The following EFHC2 variants were observed in gnomAD, a reference collection of about 807,000 sequenced individuals.
The protein encoded by EFHC2 is EF-hand domain containing 2.
In EFHC2, 18 loss-of-function variants were observed where a neutral mutation model predicts 52.7. The observed-to-expected ratio is 0.34, with a 90% confidence interval of 0.24 to 0.51. The LOEUF (loss-of-function observed/expected upper bound fraction) is 0.51. EFHC2 is among the 20% of genes least tolerant of loss of function. EFHC2 has a pLI of 0.97. For synonymous variants in EFHC2, 203 were observed against 204.1 expected (o/e 0.99, Z 0.04); for missense variants, 513 against 562.5 (o/e 0.91, Z 0.89).
chrX:44,249,213 G>A (rs1035418137), intron 5 of EFHC2, among the ~76,000 whole-genome samples: 3 of 111,346 alleles, frequency 2.7e-5, no homozygotes, highest in Admixed American at 1.9e-4. Flanking sequence ...CCAAGCAAAC[G>A]CAGTAGGGCT....
intron 14 of EFHC2, among the ~76,000 whole-genome samples, chrX:44,156,373 C>T (rs751569516): frequency 3.6e-5 from 4 of 112,666 alleles, no homozygotes; most frequent in South Asian, 3.7e-4. Context: ...GCACCAGCCC[C>T]TGACTATACA....
At chrX:44,230,287 TC>T (rs774553446) in intron 10 of EFHC2, among the ~76,000 whole-genome samples, 1 of 112,008 alleles carries the variant, frequency 8.9e-6, no homozygotes, top group South Asian at 3.8e-4. Flanking sequence ...CTCTGGGCCG[TC>T]CACTGTTCCT....
At chrX:44,204,675 C>T (rs1428713710) in intron 11 of EFHC2, among the ~76,000 whole-genome samples, 1 of 111,098 alleles carries the variant, frequency 9.0e-6, no homozygotes, top group African/African-American at 3.3e-5. Context: ...CCCAGTCACA[C>T]AAAATAAGGA....
intron 14 of EFHC2, among the ~76,000 whole-genome samples, chrX:44,162,295 C>A (rs2036661673): frequency 9.0e-6 from 1 of 111,395 alleles, no homozygotes; most frequent in Admixed American, 9.6e-5. Flanking sequence ...TGGTGGCACA[C>A]ACCTGTAATC....
At chrX:44,230,379 T>C (rs984733031) in intron 10 of EFHC2, among the ~76,000 whole-genome samples, 18 of 111,678 alleles carry the variant, frequency 1.6e-4, no homozygotes, top group Non-Finnish European at 1.9e-5. Flanking sequence ...TAAATAATTA[T>C]AGGTAAGAGA....
At chrX:44,294,695 T>C (rs769075463) in intron 2 of EFHC2, among the ~76,000 whole-genome samples, 17 of 111,684 alleles carry the variant, frequency 1.5e-4, no homozygotes, top group Admixed American at 3.8e-4. Flanking sequence ...TCTCTCCAGC[T>C]ACAAAGAGTA....
chrX:44,205,000 T>C (rs967363987), intron 11 of EFHC2, among the ~76,000 whole-genome samples: 1 of 111,452 alleles, frequency 9.0e-6, no homozygotes, highest in Non-Finnish European at 1.9e-5. Flanking sequence ...AAATTACCTG[T>C]AAAGGGAATC....
intron 11 of EFHC2, among the ~76,000 whole-genome samples, chrX:44,189,969 T>C (rs761370855): frequency 9.0e-6 from 1 of 111,623 alleles, no homozygotes; most frequent in South Asian, 3.8e-4. Flanking sequence ...ATATCCATTG[T>C]GGAGAGTGGA....
At chrX:44,185,896 T>C (rs2036870574) in intron 11 of EFHC2, among the ~76,000 whole-genome samples, 1 of 111,970 alleles carries the variant, frequency 8.9e-6, no homozygotes, top group Non-Finnish European at 1.9e-5. Flanking sequence ...CAAATTCATC[T>C]GCCTTGTAAA....
At chrX:44,295,004 A>G (rs2037817736) in intron 2 of EFHC2, among the ~76,000 whole-genome samples, 1 of 111,981 alleles carries the variant, frequency 8.9e-6, no homozygotes, top group Admixed American at 9.5e-5. Context: ...ACACCAATAA[A>G]GTAGGTAATA....
At chrX:44,250,505 T>A in intron 4 of EFHC2, 60 bp from the exon 5 acceptor site, 1 of 1,099,719 alleles carries the variant, frequency 9.1e-7, no homozygotes, top group Non-Finnish European at 1.2e-6. Flanking sequence ...TTCTAAGATA[T>A]ACACAATCAA....
At position 44,242,334 on chromosome X, in the gene EFHC2, C is replaced by T. The variant is rs768924316; in HGVS notation, c.1112-45G>A. On this transcript the variant is annotated intron_variant, in intron 7 of 14. Coordinates refer to ENST00000420999, the MANE Select transcript of EFHC2 (RefSeq NM_025184.4). ...AACAAAACATCAATATTTTTTTTGCCCTGATTATGGCTGTTTTGAAAGGTT... is the reference window on the plus strand; with the variant it reads ...AACAAAACATCAATATTTTTTTTGCTCTGATTATGGCTGTTTTGAAAGGTT... 59 of 1,148,292 alleles carry T rather than the reference C, an allele frequency of 5.1e-5. No homozygotes were observed. In the African/African-American group the frequency reaches 9.6e-4, roughly 19 times the overall value. 94.6% of individuals were successfully genotyped at this position (1,148,292 alleles called of 1,213,427 possible).
intron 13 of EFHC2, 73 bp downstream of exon 13, chrX:44,176,219 T>C: frequency 1.2e-6 from 1 of 830,799 alleles, no homozygotes; most frequent in Non-Finnish European, 1.7e-6. Context: ...TAAAGGGAGA[T>C]GTAAAACCAG....
Position 44,250,459 on chromosome X carries a change from A to C in EFHC2, c.607-14T>G. On this transcript the variant is annotated splice_polypyrimidine_tract_variant and intron_variant, in intron 4 of 14. Transcript: ENST00000420999. ...GTGTTCTACAACCTGCAAATGGAGA[A>C]AATGTCAATAATAGTTGCAGGGTTT... 1 of 1,180,244 alleles carries C rather than the reference A, an allele frequency of 8.5e-7. No individual in the cohort carries two copies. The highest frequency in any genetic ancestry group is 2.3e-5 in the Admixed American group (1 of 42,782).
chrX:44,176,792 T>C (rs1349848303), intron 12 of EFHC2, among the ~76,000 whole-genome samples: 1 of 112,160 alleles, frequency 8.9e-6, no homozygotes, highest in African/African-American at 3.2e-5. Context: ...GACTTGAGGG[T>C]GTTTTTCTGT....
chrX:44,262,079 A>G (rs1263586427), intron 3 of EFHC2, among the ~76,000 whole-genome samples: 1 of 110,847 alleles, frequency 9.0e-6, no homozygotes, highest in African/African-American at 3.3e-5. Context: ...CCAGGGTCCC[A>G]CGTATATCCA....
chrX:44,242,094 G>C, intron 8 of EFHC2, 27 bp downstream of exon 8: 1 of 1,166,235 alleles, frequency 8.6e-7, no homozygotes, highest in African/African-American at 1.8e-5. Flanking sequence ...GGAAAGATCA[G>C]ACTAAAATCA....
intron 11 of EFHC2, among the ~76,000 whole-genome samples, chrX:44,217,123 T>C (rs1224871310): frequency 8.9e-6 from 1 of 111,776 alleles, no homozygotes; most frequent in African/African-American, 3.3e-5. Context: ...GAAAAGATGC[T>C]CAACATCATT....
chrX:44,178,212 C>T (rs192096691), intron 12 of EFHC2, among the ~76,000 whole-genome samples, 155 bp downstream of exon 12: 1 of 108,759 alleles, frequency 9.2e-6, no homozygotes, highest in Admixed American at 9.9e-5. Flanking sequence ...AATACTTCTC[C>T]GAAAATGATT....
Sources: gnomAD v4.1 joint callset for allele counts (sites outside exome capture counted in the v4.1 genomes callset) on GRCh38, gnomAD v4.1.1 for gene constraint, MANE v1.5 for transcripts, NCBI Gene and HGNC (gene_info 2026-07-23, HGNC 2026-07-21) for gene names.